The following HCRTR2 variants were observed in gnomAD, a reference collection of about 807,000 sequenced individuals.
HCRTR2 encodes the protein hypocretin receptor 2, also known as orexin receptor type 2.
Under a neutral mutation model 49.0 loss-of-function variants are expected in HCRTR2, and 22 were observed. The ratio of observed to expected loss-of-function variants is 0.45; its 90% CI spans 0.32 to 0.64. The LOEUF (loss-of-function observed/expected upper bound fraction) is 0.64. Among genes scored for constraint, HCRTR2 ranks in the 30% least tolerant of loss-of-function variants. HCRTR2 has a pLI of 0.04. For synonymous variants in HCRTR2, 236 were observed against 205.3 expected, an observed-to-expected ratio of 1.15 and a Z score of -1.28; for missense variants, 491 against 559.4, an observed-to-expected ratio of 0.88 and a Z score of 1.23.
intron 1 of HCRTR2, among the ~76,000 whole-genome samples, chr6:55,123,336 AG>A (rs1764228323): frequency 6.6e-6 from 1 of 151,804 alleles, no homozygotes; most frequent in South Asian, 2.1e-4. Context: ...TTAGTATGAA[AG>A]GGTGTTGAAT....
At chr6:55,130,141 T>C (rs1269032988) in intron 1 of HCRTR2, among the ~76,000 whole-genome samples, 1 of 151,966 alleles carries the variant, frequency 6.6e-6, no homozygotes, top group Non-Finnish European at 1.5e-5. Flanking sequence ...GGCATTGATC[T>C]ATACTCAGTG....
At chr6:55,194,835 A>G (rs1424101886) in intron 1 of HCRTR2, among the ~76,000 whole-genome samples, 1 of 152,098 alleles carries the variant, frequency 6.6e-6, no homozygotes, top group Non-Finnish European at 1.5e-5. Context: ...CACTGAATCT[A>G]GTACTTTTTT....
chr6:55,175,988 G>A (rs1440041047), intron 1 of HCRTR2, among the ~76,000 whole-genome samples: 3 of 152,142 alleles, frequency 2.0e-5, no homozygotes, highest in Non-Finnish European at 4.4e-5. Flanking sequence ...AAGAAGGTGA[G>A]TGAGGTGAGA....
intron 1 of HCRTR2, among the ~76,000 whole-genome samples, chr6:55,206,043 ACT>A (rs950122786): frequency 2.6e-5 from 4 of 151,986 alleles, no homozygotes; most frequent in Non-Finnish European, 5.9e-5. Flanking sequence ...ATGTTTACTG[ACT>A]CTTTTATTTG....
rs191378042 is a variant in HCRTR2, at chr6:55,263,817, C to G, written c.757C>G (p.Arg253Gly). 3.1e-5 allele frequency: 49 copies of G among 1,580,644 alleles called. No individual in the cohort carries two copies. The Admixed American group carries it at 6.9e-4, about 22-fold the overall frequency. ...YLQIFRKLWCRQIPGTSSVVQ... is the reference protein window; with the variant it reads ...YLQIFRKLWCGQIPGTSSVVQ... ...GCAAATATTTCGCAAACTCTGGTGT[C>G]GACAGGTATATAGTTTCAAATATTT... The change falls in exon 4 of 7, where the codon CGA becomes GGA. Residue 253 changes from arginine (R) to glycine (G), a missense_variant. Transcript: ENST00000370862.
At chr6:55,185,655 T>C (rs1765205408) in intron 1 of HCRTR2, among the ~76,000 whole-genome samples, 2 of 147,658 alleles carry the variant, frequency 1.4e-5, no homozygotes, top group African/African-American at 4.8e-5. Flanking sequence ...ACATAAGGCC[T>C]TGAGTTTCCC....
chr6:55,210,502 A>G (rs560101038), intron 1 of HCRTR2, among the ~76,000 whole-genome samples: 1 of 152,138 alleles, frequency 6.6e-6, no homozygotes, highest in Non-Finnish European at 1.5e-5. Flanking sequence ...AAAAGTGGTA[A>G]CTCATCTCTG....
intron 3 of HCRTR2, among the ~76,000 whole-genome samples, chr6:55,261,006 T>C (rs1178253946): frequency 6.6e-6 from 1 of 152,118 alleles, no homozygotes; most frequent in Non-Finnish European, 1.5e-5. Context: ...CCCTTGTCAA[T>C]AGAAAAGTCA....
At chr6:55,213,406 A>G (rs1765730481) in intron 1 of HCRTR2, among the ~76,000 whole-genome samples, 1 of 152,126 alleles carries the variant, frequency 6.6e-6, no homozygotes, top group African/African-American at 2.4e-5. Context: ...TTAAAACTGA[A>G]CTAGTTGCTG....
intron 1 of HCRTR2, among the ~76,000 whole-genome samples, chr6:55,205,152 T>C (rs1765579106): frequency 6.6e-6 from 1 of 152,128 alleles, no homozygotes; most frequent in Non-Finnish European, 1.5e-5. Context: ...CTAGAATATA[T>C]GAGAATGGAG....
downstream of HCRTR2, among the ~76,000 whole-genome samples, chr6:55,284,051 A>G (rs1003008759): frequency 7.9e-5 from 12 of 152,140 alleles, no homozygotes; most frequent in African/African-American, 2.9e-4. Flanking sequence ...TTTATGCTGC[A>G]TGAAAGGAGA....
chr6:55,271,943 GA>G (rs1006719568), intron 4 of HCRTR2, among the ~76,000 whole-genome samples: 1 of 152,050 alleles, frequency 6.6e-6, no homozygotes, highest in African/African-American at 2.4e-5. Flanking sequence ...AACTGCTTTG[GA>G]AAACAGTTTG....
intron 1 of HCRTR2, among the ~76,000 whole-genome samples, chr6:55,226,176 C>T (rs1766000847): frequency 6.6e-6 from 1 of 152,184 alleles, no homozygotes; most frequent in East Asian, 1.9e-4. Flanking sequence ...TCTTAGTTTC[C>T]TTATTTTCTA....
chr6:55,201,071 A>C (rs1765505458), intron 1 of HCRTR2, among the ~76,000 whole-genome samples: 1 of 152,146 alleles, frequency 6.6e-6, no homozygotes. Context: ...TGATGAGAGT[A>C]GGAATTAAGG....
intron 5 of HCRTR2, among the ~76,000 whole-genome samples, chr6:55,279,194 AT>A (rs556462651): frequency 2.0e-5 from 3 of 151,562 alleles, no homozygotes; most frequent in African/African-American, 4.9e-5. Context: ...TACCACACAC[AT>A]TTTTTTTCAA....
At chr6:55,192,293 T>C (rs536130824) in intron 1 of HCRTR2, among the ~76,000 whole-genome samples, 9 of 152,220 alleles carry the variant, frequency 5.9e-5, no homozygotes, top group Admixed American at 5.2e-4. Context: ...GTGGCTCACA[T>C]CTGTAATCCC....
chr6:55,114,235 T>G (rs1245470808), intron 1 of HCRTR2, among the ~76,000 whole-genome samples: 2 of 151,658 alleles, frequency 1.3e-5, no homozygotes, highest in African/African-American at 4.8e-5. Context: ...CTTATTCATG[T>G]AACCAAACAC....
chr6:55,207,364 A>C (rs998462083), intron 1 of HCRTR2, among the ~76,000 whole-genome samples: 2 of 152,138 alleles, frequency 1.3e-5, no homozygotes, highest in Admixed American at 6.6e-5. Flanking sequence ...CCTTGAACTC[A>C]GTTAAATGTA....
At chr6:55,108,177 G>C (rs1000921142) in intron 1 of HCRTR2, among the ~76,000 whole-genome samples, 4 of 151,980 alleles carry the variant, frequency 2.6e-5, no homozygotes, top group Admixed American at 1.3e-4. Context: ...TATTCTGAAG[G>C]CAACTTTTTT....
Sources: allele counts gnomAD v4.1 joint callset (sites outside exome capture counted in the v4.1 genomes callset), GRCh38; gene constraint gnomAD v4.1.1; transcripts MANE v1.5; gene names NCBI Gene and HGNC (gene_info 2026-07-23, HGNC 2026-07-21).